The following CLNK variants were observed in gnomAD, a reference collection of about 807,000 sequenced individuals.
CLNK encodes the protein cytokine dependent hematopoietic cell linker.
A neutral mutation model predicts 68.6 loss-of-function variants in CLNK; 74 were observed. The ratio of observed to expected loss-of-function variants is 1.08; its 90% CI spans 0.89 to 1.31. The LOEUF (loss-of-function observed/expected upper bound fraction) is 1.31. CLNK is among the 50% of genes most tolerant of loss of function. The pLI is 0.00. For synonymous variants in CLNK, 198 were observed against 172.2 expected, an observed-to-expected ratio of 1.15 and a Z score of -1.17; for missense variants, 553 against 515.3, an observed-to-expected ratio of 1.07 and a Z score of -0.71.
In CLNK at chr4:10,585,003, A is replaced by G. The variant is rs758695339; in HGVS notation, c.84-48T>C. On this transcript the variant is annotated intron_variant, in intron 3 of 18. Transcript: ENST00000226951. ...GTTAAATGTCCATTGCTCCACCTCC[A>G]CCGACCCCCCGCCACATAGGAACAG... The G allele has an allele frequency of 1.7e-5, 27 of 1,601,322 alleles. No individual in the cohort carries two copies. The South Asian group carries it at 2.8e-4, about 17-fold the overall frequency.
intron 11 of CLNK, 70 bp from the exon 12 acceptor site, chr4:10,532,353 C>A (rs1477551330): frequency 9.6e-6 from 12 of 1,255,802 alleles, no homozygotes; most frequent in Non-Finnish European, 1.3e-5. Context: ...TCATTCTGAG[C>A]CTTACAAACC....
At chr4:10,597,400 G>A (rs1334426073) in intron 3 of CLNK, among the ~76,000 whole-genome samples, 7 of 152,150 alleles carry the variant, frequency 4.6e-5, no homozygotes, top group East Asian at 1.9e-4. Flanking sequence ...TCAGTAATTC[G>A]ATCAAGTTAG....
At chr4:10,691,164 C>T in the CLNK span, among the ~76,000 whole-genome samples, 65,644 of 151,752 alleles carry the variant, frequency 0.43, 14,390 homozygotes, top group Non-Finnish European at 0.47. Flanking sequence ...GTCTAATATG[C>T]ATTAATAGGT....
At position 10,667,560 on chromosome 4, in the gene CLNK, C is replaced by T. The variant is rs568997800; in HGVS notation, c.11+299G>A. Among the ~76,000 whole-genome samples, 51 of 152,054 alleles carry T rather than the reference C, an allele frequency of 3.4e-4. No individual in the cohort carries two copies. The highest frequency in any genetic ancestry group is 6.8e-4 in the Non-Finnish European group (46 of 68,016). ...CTGTCCTTTTACCTATTCCTTCACA[C>T]CCATGGGTGGAAACTGTCTGGGTGC... On this transcript the variant is annotated intron_variant, in intron 2 of 18. Transcript: ENST00000226951.
At position 10,525,912 on chromosome 4, in the gene CLNK, G is replaced by C. The variant is rs745755893; in HGVS notation, c.660C>G (p.Asn220Lys). Residue 220 changes from asparagine (N) to lysine (K), a missense_variant, in exon 14 of 19, where the codon AAC becomes AAG. Transcript: ENST00000226951. Reference sequence around the variant, plus strand: ...GATGAGTTGATTCAGGCTTCCTCTGGTTATGAGGAACTATATAAAACAGTG... The same window carrying C: ...GATGAGTTGATTCAGGCTTCCTCTGCTTATGAGGAACTATATAAAACAGTG... ...EVLEAEKVPHNQRKPESTHLL... is the reference protein window; with the variant it reads ...EVLEAEKVPHKQRKPESTHLL... The C allele has an allele frequency of 3.2e-6, 5 of 1,562,190 alleles. No homozygotes were observed. The South Asian group carries it at 4.7e-5, about 15-fold the overall frequency.
chr4:10,493,335 A>T (rs1452989255), intron 18 of CLNK, among the ~76,000 whole-genome samples: 3 of 152,108 alleles, frequency 2.0e-5, no homozygotes, highest in Non-Finnish European at 4.4e-5. Flanking sequence ...AACAACAACA[A>T]AAAGTACTAT....
At chr4:10,638,310 C>T (rs1723175857) in intron 2 of CLNK, among the ~76,000 whole-genome samples, 1 of 152,180 alleles carries the variant, frequency 6.6e-6, no homozygotes, top group African/African-American at 2.4e-5. Context: ...TTGTGTGCAT[C>T]CAGATGCTTT....
chr4:10,684,466 T>C (rs1446250231), intron 1 of CLNK, among the ~76,000 whole-genome samples: 1 of 152,214 alleles, frequency 6.6e-6, no homozygotes, highest in Non-Finnish European at 1.5e-5. Context: ...GGTATCCTGA[T>C]TCTTTCTCCC....
At chr4:10,558,519 ACT>A in intron 7 of CLNK, 67 bp from the exon 8 acceptor site, 1 of 1,449,512 alleles carries the variant, frequency 6.9e-7, no homozygotes, top group Non-Finnish European at 9.7e-7. Context: ...ATGTCTTGAC[ACT>A]CTCTGTGGTT....
rs1003017213 is a variant in CLNK, at chr4:10,510,326, T to G, written c.907-2290A>C. ...TGGCCAAATATGTCGTTAATATCTC[T>G]CTGCCATTTCTAATCTCTTCTTTAA... On this transcript the variant is annotated intron_variant, in intron 16 of 18. Coordinates refer to ENST00000226951, the MANE Select transcript of CLNK (RefSeq NM_052964.4). Among the ~76,000 whole-genome samples the G allele has an allele frequency of 2.6e-5, 4 of 152,322 alleles. No homozygotes were observed. The East Asian group carries it at 7.7e-4, about 29-fold the overall frequency.
At chr4:10,540,211 G>A (rs1718957611) in intron 11 of CLNK, among the ~76,000 whole-genome samples, 1 of 152,088 alleles carries the variant, frequency 6.6e-6, no homozygotes, top group Admixed American at 6.5e-5. Flanking sequence ...CATTTGCTTT[G>A]GACACAGGTT....
At chr4:10,720,602 C>T in the CLNK span, among the ~76,000 whole-genome samples, 1 of 149,432 alleles carries the variant, frequency 6.7e-6, no homozygotes, top group Non-Finnish European at 1.5e-5. Context: ...TTACTTTCTA[C>T]TGTACTATGA....
chr4:10,594,470 T>TG (rs1173130628), intron 3 of CLNK, among the ~76,000 whole-genome samples: 1 of 152,212 alleles, frequency 6.6e-6, no homozygotes, highest in Non-Finnish European at 1.5e-5. Context: ...TATTTCAACA[T>TG]GGGTGCCTGG....
intron 2 of CLNK, among the ~76,000 whole-genome samples, chr4:10,628,758 G>C (rs1352038544): frequency 6.6e-6 from 1 of 152,138 alleles, no homozygotes; most frequent in African/African-American, 2.4e-5. Flanking sequence ...GCTCTTTCAG[G>C]CCTCCCCACA....
In CLNK at chr4:10,571,714, A is replaced by T. The variant is rs373288142; in HGVS notation, c.150+27T>A. On this transcript the variant is annotated intron_variant, in intron 5 of 18. Coordinates refer to ENST00000226951, the MANE Select transcript of CLNK (RefSeq NM_052964.4). The stretch of plus-strand genomic sequence containing the variant: ...GCTTTGCAATATTAAAGACGTATAA[A>T]ATAGATAAGGGAAGCAGCTGACTTA... 40 of 1,589,042 alleles carry T rather than the reference A, an allele frequency of 2.5e-5. No individual in the cohort carries two copies. The African/African-American group carries it at 4.7e-4, about 19-fold the overall frequency.
chr4:10,676,541 T>G (rs1023495197), intron 1 of CLNK, among the ~76,000 whole-genome samples: 2 of 152,062 alleles, frequency 1.3e-5, no homozygotes, highest in Admixed American at 1.3e-4. Flanking sequence ...TGCATTCATT[T>G]TAATTTTAAA....
At position 10,658,541 on chromosome 4, in the gene CLNK, G is replaced by A. The variant is rs1376421459; in HGVS notation, c.11+9318C>T. On this transcript the variant is annotated intron_variant, in intron 2 of 18. Coordinates refer to ENST00000226951, the MANE Select transcript of CLNK (RefSeq NM_052964.4). ...ATTTCAGGGCTGAACTGAGCTGAAC[G>A]CCCAGACTGGATCCCTGGTTCTCAA... 2.0e-5 allele frequency among the ~76,000 whole-genome samples: 3 copies of A among 152,158 alleles called. No individual in the cohort carries two copies. The East Asian group carries it at 5.8e-4, about 29-fold the overall frequency.
upstream of CLNK, among the ~76,000 whole-genome samples, chr4:10,689,744 C>CCTTTTTTTTTTTTTTT (rs1560280654): frequency 1.2e-3 from 33 of 26,916 alleles, no homozygotes; most frequent in Non-Finnish European, 2.5e-3. Flanking sequence ...AAAACCCATG[C>CCTTTTTTTTTTTTTTT]ATTTTTTTTT....
At chr4:10,662,444 CAT>C (rs755638886) in intron 2 of CLNK, among the ~76,000 whole-genome samples, 15 of 152,274 alleles carry the variant, frequency 9.9e-5, no homozygotes, top group Admixed American at 1.3e-4. Context: ...TGTAGTGAAA[CAT>C]GTGATGGTTG....
Sources: allele counts gnomAD v4.1 joint callset (sites outside exome capture counted in the v4.1 genomes callset), GRCh38; gene constraint gnomAD v4.1.1; transcripts MANE v1.5; gene names NCBI Gene and HGNC (gene_info 2026-07-23, HGNC 2026-07-21).